The following BCL11A variants were observed in gnomAD, a reference collection of about 807,000 sequenced individuals.
The protein encoded by BCL11A is BCL11 transcription factor A.
In BCL11A, 2 loss-of-function variants were observed where a neutral mutation model predicts 55.9. The observed-to-expected ratio is 0.04, with a 90% confidence interval of 0.01 to 0.11. The LOEUF (loss-of-function observed/expected upper bound fraction) is 0.11, where lower values mean the gene tolerates loss of function less well. BCL11A is among the 10% of genes least tolerant of loss of function. BCL11A has a pLI of 1.00. For synonymous variants in BCL11A, 465 were observed against 473.4 expected, an observed-to-expected ratio of 0.98 and a Z score of 0.23; for missense variants, 817 against 1,137.1, an observed-to-expected ratio of 0.72 and a Z score of 4.05.
chr2:60,479,490 C>T (rs1677825550), intron 2 of BCL11A, among the ~76,000 whole-genome samples: 1 of 152,232 alleles, frequency 6.6e-6, no homozygotes, highest in Non-Finnish European at 1.5e-5. Flanking sequence ...TCTCCCTTAA[C>T]AAGCCCCTCA....
chr2:60,498,801 T>G (rs1196446569), intron 2 of BCL11A, among the ~76,000 whole-genome samples: 1 of 152,210 alleles, frequency 6.6e-6, no homozygotes, highest in Non-Finnish European at 1.5e-5. Context: ...TAGAGACTTG[T>G]GGCTTAAGGA....
At chr2:60,452,483 C>A, downstream of BCL11A, 6 of 1,097,440 alleles carry the variant, frequency 5.5e-6, no homozygotes, top group Non-Finnish European at 8.4e-6. Flanking sequence ...AGGCTACTGT[C>A]AGAAAACATC....
In BCL11A at chr2:60,458,161, A is replaced by T. The variant is rs1249542150; in HGVS notation, c.*2243T>A. ...TAGATGAACATTTAATTCAAATACC[A>T]TTCTAGAAATACAGAAAAAAGACCA... is the stretch of plus-strand genomic sequence containing the variant. On this transcript the variant is annotated 3_prime_UTR_variant, in exon 4 of 4. Coordinates refer to ENST00000642384, the MANE Select transcript of BCL11A (RefSeq NM_022893.4). 1 of 1,025,716 alleles carries T rather than the reference A, an allele frequency of 9.7e-7. No individual in the cohort carries two copies. The highest frequency in any genetic ancestry group is 1.2e-6 in the Non-Finnish European group (1 of 853,042). 63.5% of individuals were successfully genotyped at this position (1,025,716 alleles called of 1,614,324 possible). A position where few individuals can be genotyped will look rare whatever the true frequency, so the allele number is the denominator to read the frequency against.
intron 2 of BCL11A, among the ~76,000 whole-genome samples, chr2:60,518,165 A>C (rs558660017): frequency 6.6e-6 from 1 of 152,290 alleles, no homozygotes; most frequent in African/African-American, 2.4e-5. Flanking sequence ...AATTGCTGAG[A>C]TTTAGCTATC....
At chr2:60,472,203 T>C (rs1418845484) in intron 2 of BCL11A, among the ~76,000 whole-genome samples, 3 of 152,218 alleles carry the variant, frequency 2.0e-5, no homozygotes, top group Non-Finnish European at 4.4e-5. Flanking sequence ...CAGGGCCTTC[T>C]TAGCATGAGA....
At chr2:60,467,900 GTGGTAA>G (rs1192190052) in intron 3 of BCL11A, among the ~76,000 whole-genome samples, 21 of 93,752 alleles carry the variant, frequency 2.2e-4, no homozygotes, top group African/African-American at 8.1e-4. Flanking sequence ...AGTGATGGTG[GTGGTAA>G]TGGTGGTGGT....
At chr2:60,488,922 G>T (rs546907923) in intron 2 of BCL11A, among the ~76,000 whole-genome samples, 1 of 152,166 alleles carries the variant, frequency 6.6e-6, no homozygotes, top group Non-Finnish European at 1.5e-5. Flanking sequence ...ACCACACGCG[G>T]CTAATTTCTG....
chr2:60,513,738 GA>G (rs1272286139), intron 2 of BCL11A, among the ~76,000 whole-genome samples: 2 of 152,334 alleles, frequency 1.3e-5, no homozygotes, highest in Middle Eastern at 3.4e-3. Flanking sequence ...CACTCTCTGG[GA>G]AAATAGAACT....
chr2:60,457,861 A>G lies in BCL11A; in HGVS notation c.*2543T>C, dbSNP rs1175902927. On this transcript the variant is annotated 3_prime_UTR_variant, in exon 4 of 4. Coordinates refer to ENST00000642384, the MANE Select transcript of BCL11A (RefSeq NM_022893.4). Reference sequence around the variant, plus strand: ...ACAAAAAAGGATATGTACAACCCCTATGACAGCCATCCATGTGACATTCTA... The same window carrying G: ...ACAAAAAAGGATATGTACAACCCCTGTGACAGCCATCCATGTGACATTCTA... 1.9e-6 allele frequency: 2 copies of G among 1,050,038 alleles called. No homozygotes were observed. Among genetic ancestry groups the G allele is most frequent in the African/African-American group, 1.7e-5 (1 of 60,148 alleles). 65.0% of individuals were successfully genotyped at this position (1,050,038 alleles called of 1,614,324 possible). A position where few individuals can be genotyped will look rare whatever the true frequency, so the allele number is the denominator to read the frequency against.
downstream of BCL11A, among the ~76,000 whole-genome samples, chr2:60,455,415 G>A (rs759740031): frequency 3.3e-5 from 5 of 152,094 alleles, no homozygotes; most frequent in Non-Finnish European, 7.4e-5. Context: ...ATGTTGGCTA[G>A]GTTCTCATGT....
At chr2:60,454,516 A>G (rs1283186804), downstream of BCL11A, among the ~76,000 whole-genome samples, 1 of 152,128 alleles carries the variant, frequency 6.6e-6, no homozygotes, top group African/African-American at 2.4e-5. Context: ...AGGCCCAGGG[A>G]CAATGGAGTA....
chr2:60,462,162 C>T lies in BCL11A; in HGVS notation c.750G>A (p.Glu250=). 6.4e-7 allele frequency: 1 copy of T among 1,573,246 alleles called. No homozygotes were observed. The highest frequency in any genetic ancestry group is 8.6e-7 in the Non-Finnish European group (1 of 1,160,310). ...LLRIPGSVSR[E]ASGLAEGRFP... ...AGCGCCCTTCTGCCAGGCCGGAAGC[C>T]TCTCTCGATACTGATCCTGGTATTC... The change falls in exon 4 of 4, where the codon GAG becomes GAA. Residue 250 remains glutamate, a synonymous_variant. Transcript: ENST00000642384.
At chr2:60,486,272 C>T (rs568255572) in intron 2 of BCL11A, among the ~76,000 whole-genome samples, 11 of 152,216 alleles carry the variant, frequency 7.2e-5, no homozygotes, top group Non-Finnish European at 1.5e-4. Flanking sequence ...CTCTCCTACA[C>T]ATCAAAGTGA....
intron 2 of BCL11A, chr2:60,526,067 C>A (rs1284723664): frequency 1.3e-5 from 2 of 152,146 alleles, no homozygotes; most frequent in Non-Finnish European, 1.5e-5. Flanking sequence ...TGGTTTTTTT[C>A]TAACCACAGT....
chr2:60,468,667 C>T, intron 3 of BCL11A, 65 bp downstream of exon 3: 1 of 1,235,522 alleles, frequency 8.1e-7, no homozygotes, highest in Non-Finnish European at 1.2e-6. Flanking sequence ...AAAGTAAGGG[C>T]AATTTCCAGA....
chr2:60,452,649 TG>T, downstream of BCL11A: 1 of 1,613,604 alleles, frequency 6.2e-7, no homozygotes, highest in Non-Finnish European at 8.5e-7. Flanking sequence ...CTACGCCGAA[TG>T]GGGGTGTGTG....
At chr2:60,452,143 C>G (rs968854736) in exon 5 of BCL11A, 6 of 229,632 alleles carry the variant, frequency 2.6e-5, no homozygotes, top group African/African-American at 1.1e-4. Flanking sequence ...AATTAAAGAA[C>G]AAGCAAACAC....
chr2:60,467,176 G>T (rs1482238692), intron 3 of BCL11A, among the ~76,000 whole-genome samples: 1 of 144,950 alleles, frequency 6.9e-6, no homozygotes, highest in African/African-American at 2.6e-5. Context: ...TGATGGTGGT[G>T]GTGGTGGTGG....
chr2:60,453,999 T>C (rs1198374964), downstream of BCL11A, among the ~76,000 whole-genome samples: 2 of 151,946 alleles, frequency 1.3e-5, no homozygotes, highest in South Asian at 2.1e-4. Flanking sequence ...GAGGAATTAA[T>C]GGTATCCCAT....
Sources: allele counts gnomAD v4.1 joint callset (sites outside exome capture counted in the v4.1 genomes callset), GRCh38; gene constraint gnomAD v4.1.1; transcripts MANE v1.5; gene names NCBI Gene and HGNC (gene_info 2026-07-23, HGNC 2026-07-21).